ZNF136: variants seen among roughly 807,000 people sequenced by gnomAD.
The protein encoded by ZNF136 is zinc finger protein 136 (clone pHZ-20).
In ZNF136, 8 loss-of-function variants were observed where a neutral mutation model predicts 11.4. The ratio of observed to expected loss-of-function variants is 0.70; its 90% confidence interval spans 0.41 to 1.27. ZNF136 has a LOEUF of 1.27. Among genes scored for constraint, ZNF136 ranks in the 50% most tolerant of loss-of-function variants. ZNF136 has a pLI of 0.01. For synonymous variants in ZNF136, 190 were observed against 207.1 expected (o/e 0.92, Z 0.71); for missense variants, 590 against 656.5 (o/e 0.90, Z 1.11).
At chr19:12,164,920 A>C (rs1352170117) in intron 1 of ZNF136, 2 of 152,206 alleles carry the variant, frequency 1.3e-5, no homozygotes, top group Non-Finnish European at 1.5e-5. Flanking sequence ...CCTGGAACCC[A>C]CACCCTATAG....
intron 1 of ZNF136, among the ~76,000 whole-genome samples, chr19:12,174,780 C>T (rs955284856): frequency 2.0e-5 from 3 of 151,596 alleles, no homozygotes; most frequent in Non-Finnish European, 2.9e-5. Context: ...GGACCACAGG[C>T]GCCCACCAAC....
intron 1 of ZNF136, among the ~76,000 whole-genome samples, chr19:12,181,727 C>T (rs896583402): frequency 4.0e-5 from 6 of 151,824 alleles, no homozygotes; most frequent in African/African-American, 7.3e-5. Context: ...CTCCGCCTCC[C>T]GGGTTCACAC....
chr19:12,168,349 C>T (rs1450589100), intron 1 of ZNF136, among the ~76,000 whole-genome samples: 1 of 151,790 alleles, frequency 6.6e-6, no homozygotes, highest in South Asian at 2.1e-4. Flanking sequence ...GCTGGGATTA[C>T]AGGCATGAGC....
intron 1 of ZNF136, among the ~76,000 whole-genome samples, chr19:12,172,809 C>G (rs913440432): frequency 6.6e-6 from 1 of 152,060 alleles, no homozygotes; most frequent in African/African-American, 2.4e-5. Context: ...GTCAGGAGAT[C>G]GAGACCATCC....
Position 12,186,152 on chromosome 19 carries a change from A to G in ZNF136, c.169A>G (p.Lys57Glu), listed in dbSNP as rs761121296. The G allele has an allele frequency of 2.3e-5, 37 of 1,611,322 alleles. No individual in the cohort carries two copies. Among genetic ancestry groups the G allele is most frequent in the Non-Finnish European group, 3.0e-5 (35 of 1,179,366 alleles). Residue 57 changes from lysine to glutamate, a missense_variant, in exon 3 of 4, where the codon AAA becomes GAA. By Grantham distance (56) the Lys-to-Glu change is moderately conservative. Coordinates refer to ENST00000343979, the MANE Select transcript of ZNF136 (RefSeq NM_003437.5). ...WKDQNIKDHYKHRGRNLRSHM... is the reference protein window; with the variant it reads ...WKDQNIKDHYEHRGRNLRSHM... Reference sequence around the variant, plus strand: ...GGACCAGAACATTAAAGATCACTACAAACACCGAGGGAGAAATCTAAGGTA... The same window carrying G: ...GGACCAGAACATTAAAGATCACTACGAACACCGAGGGAGAAATCTAAGGTA...
At chr19:12,185,973 G>A (rs1915069757) in intron 2 of ZNF136, 62 bp downstream of exon 2, 1 of 1,609,612 alleles carries the variant, frequency 6.2e-7, no homozygotes, top group African/African-American at 1.3e-5. Context: ...GTGCAGTGAT[G>A]CTGTTCCATG....
chr19:12,167,464 G>A (rs1202088108), intron 1 of ZNF136, among the ~76,000 whole-genome samples: 3 of 152,216 alleles, frequency 2.0e-5, no homozygotes, highest in Non-Finnish European at 2.9e-5. Context: ...CATGGCTCAC[G>A]CTTGTAAGCC....
At position 12,187,900 on chromosome 19, in the gene ZNF136, G is replaced by A. The variant is rs1244820297; in HGVS notation, c.1522G>A (p.Glu508Lys). 1 of 1,594,702 alleles carries A rather than the reference G, an allele frequency of 6.3e-7. No homozygotes were observed. The highest frequency in any genetic ancestry group is 8.5e-7 in the Non-Finnish European group (1 of 1,173,870). The change falls in exon 4 of 4, where the codon GAA (glutamate) becomes AAA (lysine). Residue 508 changes from glutamate (E) to lysine (K), a missense_variant. Transcript: ENST00000343979. ...TGGACAGAAACCCTATCATTGCAAG[G>A]AATGTGGGAAAGCCTATTCTTGCCG... ...HTGQKPYHCKECGKAYSCRAS... is the reference protein window; with the variant it reads ...HTGQKPYHCKKCGKAYSCRAS...
At chr19:12,177,961 T>C (rs1344834507) in intron 1 of ZNF136, among the ~76,000 whole-genome samples, 1 of 152,030 alleles carries the variant, frequency 6.6e-6, no homozygotes, top group Non-Finnish European at 1.5e-5. Flanking sequence ...TACAAAAAAT[T>C]AGCTGAGCAT....
At chr19:12,173,675 T>G (rs1393967415) in intron 1 of ZNF136, among the ~76,000 whole-genome samples, 2 of 152,136 alleles carry the variant, frequency 1.3e-5, no homozygotes, top group Non-Finnish European at 2.9e-5. Flanking sequence ...TGAGCTGTGT[T>G]GGCGAGTTAA....
rs774982606 is a variant in ZNF136, at chr19:12,185,440, C to G, written c.4-345C>G. ...GAGCCTTTTTTTAAGGGTAAGCAGT[C>G]TCAGGACTGCTAATATAAACTCTTT... On this transcript the variant is annotated intron_variant, in intron 1 of 3. Transcript: ENST00000343979. The G allele has an allele frequency of 3.1e-4, 54 of 176,046 alleles. 1 individual carries two copies. The highest frequency in any genetic ancestry group is 5.9e-5 in the Non-Finnish European group (5 of 84,642). The allele number at this position is 176,046 out of a possible 1,614,324, so 10.9% of individuals were successfully genotyped here.
rs546064467 is a variant in ZNF136 at position 12,181,926 on chromosome 19, C to T, written c.4-3859C>T. On this transcript the variant is annotated intron_variant, in intron 1 of 3. Transcript: ENST00000343979. Reference sequence around the variant, plus strand: ...CTGGGATTACAGGTGTGAGCCACCGCGCCCGGCCATTTTTTTGTGTTTTTT... The same window carrying T: ...CTGGGATTACAGGTGTGAGCCACCGTGCCCGGCCATTTTTTTGTGTTTTTT... 2.0e-4 allele frequency among the ~76,000 whole-genome samples: 30 copies of T among 152,150 alleles called. No homozygotes were observed. In the South Asian group the frequency reaches 3.5e-3, roughly 18 times the overall value.
At position 12,186,933 on chromosome 19, in the gene ZNF136, A is replaced by G; in HGVS notation, c.555A>G (p.Arg185=). The part of the protein sequence containing the change: ...KTFFSLKRIR[R]HIITHSGYTP... Reference sequence around the variant, plus strand: ...TCTTTTCTCTCAAAAGAATTAGAAGACACATCATCACACACAGTGGATATA... The same window carrying G: ...TCTTTTCTCTCAAAAGAATTAGAAGGCACATCATCACACACAGTGGATATA... The change falls in exon 4 of 4, where the codon AGA becomes AGG. Residue 185 remains arginine (R), a synonymous_variant. Coordinates refer to ENST00000343979, the MANE Select transcript of ZNF136 (RefSeq NM_003437.5). 6.2e-7 allele frequency: 1 copy of G among 1,614,088 alleles called. No homozygotes were observed. Among genetic ancestry groups the G allele is most frequent in the Non-Finnish European group, 8.5e-7 (1 of 1,180,004 alleles).
chr19:12,175,208 TG>T (rs547525330), intron 1 of ZNF136, among the ~76,000 whole-genome samples: 1 of 151,218 alleles, frequency 6.6e-6, no homozygotes, highest in Non-Finnish European at 1.5e-5. Flanking sequence ...TTTTTTTTTT[TG>T]GGGGGGACAG....
intron 1 of ZNF136, among the ~76,000 whole-genome samples, chr19:12,181,072 T>G (rs1914927990): frequency 6.6e-6 from 1 of 152,228 alleles, no homozygotes; most frequent in South Asian, 2.1e-4. Context: ...GTGAATTTTC[T>G]TTTCTTGAGC....
At chr19:12,173,601 GTTTA>G (rs1411126618) in intron 1 of ZNF136, among the ~76,000 whole-genome samples, 1 of 152,150 alleles carries the variant, frequency 6.6e-6, no homozygotes, top group Non-Finnish European at 1.5e-5. Flanking sequence ...CCACCTGGCT[GTTTA>G]TTTGTAGCCT....
intron 1 of ZNF136, among the ~76,000 whole-genome samples, chr19:12,173,309 C>T (rs1337919279): frequency 6.6e-6 from 1 of 151,992 alleles, no homozygotes; most frequent in African/African-American, 2.4e-5. Context: ...TCTTTTTGTC[C>T]AATTGCAGTT....
intron 1 of ZNF136, among the ~76,000 whole-genome samples, chr19:12,167,284 ATT>A (rs1373120723): frequency 6.6e-6 from 1 of 152,240 alleles, no homozygotes; most frequent in Non-Finnish European, 1.5e-5. Context: ...GCAGAATCTC[ATT>A]CTAGTACATT....
intron 3 of ZNF136, among the ~76,000 whole-genome samples, 164 bp from the exon 4 acceptor site, chr19:12,186,406 T>C (rs541724531): frequency 6.6e-6 from 1 of 152,342 alleles, no homozygotes; most frequent in African/African-American, 2.4e-5. Flanking sequence ...GAGTGATAGT[T>C]GCGGTCAAGC....
Sources: gnomAD v4.1 joint callset for allele counts (sites outside exome capture counted in the v4.1 genomes callset) on GRCh38, gnomAD v4.1.1 for gene constraint, MANE v1.5 for transcripts, NCBI Gene and HGNC (gene_info 2026-07-23, HGNC 2026-07-21) for gene names.